The following KALRN variants were observed in gnomAD, a reference collection of about 807,000 sequenced individuals.
The protein encoded by KALRN is kalirin.
In KALRN, 70 loss-of-function variants were observed where a neutral mutation model predicts 353.7. The observed-to-expected ratio is 0.20, with a 90% confidence interval of 0.16 to 0.24. The LOEUF (loss-of-function observed/expected upper bound fraction) is 0.24. KALRN is among the 10% of genes least tolerant of loss of function. KALRN has a pLI of 1.00. For synonymous variants in KALRN, 1,391 were observed against 1,434.8 expected (o/e 0.97, Z 0.69); for missense variants, 2,791 against 3,756.7 (o/e 0.74, Z 6.72).
rs73858416 is a variant in KALRN, at chr3:124,322,934, A to C, written c.1093-3046A>C. ...ATGTGACTTGCCTGAAGTGTTTCAT[A>C]TTCTGAAAAGGGGCTATAGAGAAGA... On this transcript the variant is annotated intron_variant, in intron 6 of 59. Coordinates refer to ENST00000682506, the MANE Select transcript of KALRN (RefSeq NM_001388419.1). Among the ~76,000 whole-genome samples the C allele has an allele frequency of 7.3e-3, 1,109 of 152,314 alleles. 22 individuals are homozygous for C. The highest frequency in any genetic ancestry group is 0.026 in the African/African-American group (1,062 of 41,570).
At position 124,467,726 on chromosome 3, in the gene KALRN, T is replaced by C. The variant is rs570739272; in HGVS notation, c.4031+5093T>C. On this transcript the variant is annotated intron_variant, in intron 25 of 59. Coordinates refer to ENST00000682506, the MANE Select transcript of KALRN (RefSeq NM_001388419.1). ...GGTAGGCTGGGTCTTCTCACATCCA[T>C]GTCTGTAAGACGAGGAAAAGAAAGG... 6.6e-5 allele frequency among the ~76,000 whole-genome samples: 10 copies of C among 152,218 alleles called. No homozygotes were observed. In the South Asian group the frequency reaches 1.0e-3, roughly 16 times the overall value.
At chr3:124,064,238 G>T (rs1267249706) in intron 1 of KALRN, among the ~76,000 whole-genome samples, 2 of 152,076 alleles carry the variant, frequency 1.3e-5, no homozygotes, top group Admixed American at 6.5e-5. Flanking sequence ...AAACCAGAGG[G>T]ACTGAGCTCA....
chr3:124,418,322 T>A (rs1200938032), intron 14 of KALRN, among the ~76,000 whole-genome samples: 2 of 152,158 alleles, frequency 1.3e-5, no homozygotes, highest in Non-Finnish European at 2.9e-5. Context: ...CTGGGCTCCA[T>A]CCCTCAGGGA....
At chr3:124,405,966 A>G (rs2091496247) in intron 13 of KALRN, among the ~76,000 whole-genome samples, 1 of 152,314 alleles carries the variant, frequency 6.6e-6, no homozygotes. Flanking sequence ...TTTAATCATG[A>G]TGATAGAGAA....
chr3:124,672,986 A>G lies in KALRN; in HGVS notation c.6942+1088A>G, dbSNP rs528411562. Among the ~76,000 whole-genome samples the G allele has an allele frequency of 1.9e-4, 29 of 152,368 alleles. No individual in the cohort carries two copies. In the South Asian group the frequency reaches 4.1e-3, roughly 22 times the overall value. On this transcript the variant is annotated intron_variant, in intron 48 of 59. Coordinates refer to ENST00000682506, the MANE Select transcript of KALRN (RefSeq NM_001388419.1). ...TAGTGTCCAAGTTCAATCCTGTATT[A>G]GAGTAACCACACTGATTTGTTCCGT...
chr3:124,696,219 G>A lies in KALRN; in HGVS notation c.7663G>A (p.Gly2555Arg), dbSNP rs1293710603. ...TACCTGCATAGCAACAAATGACCAC[G>A]GGACCACATCAACGTCTGCAACAGT... The part of the protein sequence containing the change: ...IYTCIATNDH[G>R]TTSTSATVKV... The change falls in exon 54 of 60, where the codon GGG becomes AGG. Residue 2555 changes from glycine to arginine, a missense_variant. By Grantham distance (125) the Gly-to-Arg change is moderately radical (BLOSUM62 -2). Around this residue, in one of 11 missense-constraint regions of KALRN, gnomAD observed 1,065 missense variants for 1,156.4 expected, o/e 0.92. Coordinates refer to ENST00000682506, the MANE Select transcript of KALRN (RefSeq NM_001388419.1). 6.2e-6 allele frequency: 10 copies of A among 1,613,896 alleles called. No homozygotes were observed. Among genetic ancestry groups the A allele is most frequent in the South Asian group, 1.1e-5 (1 of 91,068 alleles).
chr3:124,499,139 G>A (rs1222682144), intron 33 of KALRN, among the ~76,000 whole-genome samples: 3 of 152,114 alleles, frequency 2.0e-5, no homozygotes, highest in East Asian at 1.9e-4. Flanking sequence ...TAGTTTCCCT[G>A]TCTGGCTGAG....
intron 1 of KALRN, among the ~76,000 whole-genome samples, chr3:124,119,509 C>T (rs1171924615): frequency 6.6e-6 from 1 of 152,174 alleles, no homozygotes; most frequent in East Asian, 1.9e-4. Context: ...AAAATGAAGT[C>T]AGCTCATTGC....
At chr3:124,368,117 G>A (rs1286745865) in intron 10 of KALRN, among the ~76,000 whole-genome samples, 1 of 66,038 alleles carries the variant, frequency 1.5e-5, no homozygotes, top group African/African-American at 6.3e-5. Context: ...CCTCCCGGAC[G>A]GGGCAGCTGG....
intron 34 of KALRN, among the ~76,000 whole-genome samples, chr3:124,600,812 A>G (rs1235580806): frequency 2.0e-5 from 3 of 152,186 alleles, no homozygotes; most frequent in Non-Finnish European, 2.9e-5. Flanking sequence ...CCTTGAGTGC[A>G]TGTGTTTTTC....
intron 1 of KALRN, among the ~76,000 whole-genome samples, chr3:124,142,205 C>T (rs1191542588): frequency 1.3e-5 from 2 of 152,158 alleles, no homozygotes; most frequent in Non-Finnish European, 2.9e-5. Context: ...TGTCTCTCAA[C>T]TTAGAGAGCG....
chr3:124,167,022 G>A (rs2070973180), intron 1 of KALRN, among the ~76,000 whole-genome samples: 1 of 152,042 alleles, frequency 6.6e-6, no homozygotes, highest in African/African-American at 2.4e-5. Context: ...TCCAGCCTGG[G>A]CAACAGAGCA....
chr3:124,222,588 T>C (rs2078039082), intron 1 of KALRN, among the ~76,000 whole-genome samples: 1 of 152,146 alleles, frequency 6.6e-6, no homozygotes, highest in Non-Finnish European at 1.5e-5. Flanking sequence ...ATGGATCAGC[T>C]GGGTTTTTTT....
At chr3:124,669,383 C>G (rs2150346215) in intron 47 of KALRN, among the ~76,000 whole-genome samples, 1 of 152,250 alleles carries the variant, frequency 6.6e-6, no homozygotes, top group East Asian at 1.9e-4. Flanking sequence ...GCACAGTTTT[C>G]TTGATTCTGA....
chr3:124,539,078 T>A (rs981752296), intron 33 of KALRN, among the ~76,000 whole-genome samples: 4 of 152,196 alleles, frequency 2.6e-5, no homozygotes, highest in Admixed American at 6.5e-5. Context: ...CCCTGATGGC[T>A]GCACGTGCCA....
At chr3:124,538,646 A>C (rs1158387309) in intron 33 of KALRN, among the ~76,000 whole-genome samples, 1 of 152,154 alleles carries the variant, frequency 6.6e-6, no homozygotes, top group Non-Finnish European at 1.5e-5. Context: ...GTAAAGATGA[A>C]TGTGGAGATT....
intron 54 of KALRN, among the ~76,000 whole-genome samples, chr3:124,697,065 A>G (rs112131509): frequency 1.3e-3 from 194 of 152,258 alleles, no homozygotes; most frequent in African/African-American, 4.6e-3. Context: ...GACTATAGGC[A>G]TGTGCCACCA....
At chr3:124,215,187 C>T (rs891671317) in intron 1 of KALRN, among the ~76,000 whole-genome samples, 2 of 152,192 alleles carry the variant, frequency 1.3e-5, no homozygotes, top group African/African-American at 4.8e-5. Context: ...ATCAGCTGGG[C>T]AGCTGGTCTT....
chr3:124,503,012 A>C (rs2108678170), intron 33 of KALRN, among the ~76,000 whole-genome samples: 1 of 152,220 alleles, frequency 6.6e-6, no homozygotes, highest in African/African-American at 2.4e-5. Flanking sequence ...CACACTGGAG[A>C]TCCAGCCCAT....
Sources: allele counts gnomAD v4.1 joint callset (sites outside exome capture counted in the v4.1 genomes callset), GRCh38; gene constraint gnomAD v4.1.1; regional missense constraint gnomAD v4.1.1; transcripts MANE v1.5; gene names NCBI Gene and HGNC (gene_info 2026-07-23, HGNC 2026-07-21).